The following SENP6 variants were observed in gnomAD, a reference collection of about 807,000 sequenced individuals.
SENP6 encodes SUMO specific peptidase 6.
Under a neutral mutation model 134.5 loss-of-function variants are expected in SENP6, and 41 were observed. That is an observed-to-expected ratio of 0.30 (90% CI 0.24 to 0.40). The LOEUF (loss-of-function observed/expected upper bound fraction) is 0.40. Ranked by LOEUF, SENP6 falls within the 10% of genes least tolerant of loss-of-function variation. The probability of loss-of-function intolerance (pLI) is 1.00; values close to 1 mark genes in which losing one functional copy is unlikely to be tolerated. For synonymous variants in SENP6, 395 were observed against 429.8 expected, an observed-to-expected ratio of 0.92 and a Z score of 1.00; for missense variants, 1,248 against 1,312.5, an observed-to-expected ratio of 0.95 and a Z score of 0.76.
intron 3 of SENP6, among the ~76,000 whole-genome samples, chr6:75,628,826 C>T (rs1582706127): frequency 6.6e-6 from 1 of 152,032 alleles, no homozygotes; most frequent in Non-Finnish European, 1.5e-5. Context: ...CTCAAGCGAT[C>T]CTACCGCCTC....
chr6:75,629,101 T>A (rs1445771406), intron 3 of SENP6, among the ~76,000 whole-genome samples: 1 of 152,194 alleles, frequency 6.6e-6, no homozygotes, highest in Non-Finnish European at 1.5e-5. Flanking sequence ...TAATTTGTAA[T>A]CCAGTCATTA....
chr6:75,714,026 G>C (rs1438608420), intron 23 of SENP6, among the ~76,000 whole-genome samples: 2 of 152,058 alleles, frequency 1.3e-5, no homozygotes, highest in African/African-American at 4.8e-5. Context: ...TCAAATCCAA[G>C]GCTTGTTGAG....
chr6:75,675,727 C>A, intron 12 of SENP6, 133 bp from the exon 13 acceptor site: 1 of 921,150 alleles, frequency 1.1e-6, no homozygotes, highest in Non-Finnish European at 1.7e-6. Flanking sequence ...TTATTACCCA[C>A]AAGAGTAATG....
rs750970571 is a variant in SENP6, at chr6:75,715,588, A to G, written c.3333A>G (p.Ser1111=). Residue 1111 remains serine (S), a synonymous_variant, in exon 24 of 24, where the codon TCA becomes TCG. Transcript: ENST00000447266. The part of the protein sequence containing the change: ...EGTEQYVNSI[S]D ...CAGAACAATATGTCAATAGTATCTC[A>G]GATTGACCATTTCTGTTACTTGTCA... 6.3e-7 allele frequency: 1 copy of G among 1,584,898 alleles called. No individual in the cohort carries two copies. Among genetic ancestry groups the G allele is most frequent in the Non-Finnish European group, 8.6e-7 (1 of 1,156,890 alleles).
rs998326899 is a variant in SENP6, at chr6:75,659,184, T to C, written c.551-78T>C. 29 of 1,050,946 alleles carry C rather than the reference T, an allele frequency of 2.8e-5. No individual in the cohort carries two copies. In the Admixed American group the frequency reaches 5.6e-4, roughly 20 times the overall value. The allele number at this position is 1,050,946 out of a possible 1,614,324, so 65.1% of individuals were successfully genotyped here. On this transcript the variant is annotated intron_variant, in intron 7 of 23. Coordinates refer to ENST00000447266, the MANE Select transcript of SENP6 (RefSeq NM_015571.4). ...GGATATAATTATTGGTTTAGTCTTATGTTCTGATTATTTTTTTGCTGAAAC... is the reference window on the plus strand; with the variant it reads ...GGATATAATTATTGGTTTAGTCTTACGTTCTGATTATTTTTTTGCTGAAAC...
At chr6:75,616,812 G>A (rs1484466183) in intron 1 of SENP6, among the ~76,000 whole-genome samples, 1 of 150,356 alleles carries the variant, frequency 6.7e-6, no homozygotes, top group East Asian at 1.9e-4. Flanking sequence ...TAAATATTAC[G>A]ACGTCTCTTT....
At chr6:75,715,118 TGTTCCAATAAAACTTTATTACAGAAACAG>T (rs1238957292) in intron 23 of SENP6, among the ~76,000 whole-genome samples, 1 of 152,196 alleles carries the variant, frequency 6.6e-6, no homozygotes, top group Non-Finnish European at 1.5e-5. Flanking sequence ...AGTGTGGCTG[TGTTCCAATAAAACTTTATTACAGAAACAG>T]GTGGTGGGCA....
chr6:75,644,269 G>A (rs1770252449), intron 6 of SENP6: 1 of 151,548 alleles, frequency 6.6e-6, no homozygotes, highest in Non-Finnish European at 1.5e-5. Flanking sequence ...CCAACTAAAA[G>A]GGCTCCCAAA....
At chr6:75,650,201 T>C (rs796840873) in intron 7 of SENP6, among the ~76,000 whole-genome samples, 43 of 152,316 alleles carry the variant, frequency 2.8e-4, no homozygotes, top group African/African-American at 1.0e-3. Flanking sequence ...AGAAATGATG[T>C]TGTGGCATTC....
intron 18 of SENP6, among the ~76,000 whole-genome samples, chr6:75,699,880 C>T (rs907391520): frequency 6.6e-6 from 1 of 151,966 alleles, no homozygotes; most frequent in Non-Finnish European, 1.5e-5. Context: ...TCTAATCTAT[C>T]TTAAGTGAAA....
chr6:75,625,112 C>CTTTTTTT (rs34953351), intron 3 of SENP6, among the ~76,000 whole-genome samples: 14 of 112,158 alleles, frequency 1.2e-4, no homozygotes, highest in Admixed American at 1.2e-3. Flanking sequence ...TGTGTGTGTC[C>CTTTTTTT]TTTTTTTTTT....
At chr6:75,715,360 A>C (rs769740791) in intron 23 of SENP6, 25 bp from the exon 24 acceptor site, 95 of 1,490,702 alleles carry the variant, frequency 6.4e-5, no homozygotes, top group Non-Finnish European at 8.2e-5. Context: ...ACAGTTTTCT[A>C]ATACGCATTT....
At chr6:75,659,528 AT>A in intron 8 of SENP6, 121 bp downstream of exon 8, 5 of 875,940 alleles carry the variant, frequency 5.7e-6, no homozygotes, top group Non-Finnish European at 8.5e-6. Context: ...TGGAAAACTT[AT>A]TTAGGCAGCT....
At chr6:75,670,525 TA>T in intron 10 of SENP6, 27 bp from the exon 11 acceptor site, 2 of 1,546,310 alleles carry the variant, frequency 1.3e-6, no homozygotes, top group Non-Finnish European at 1.8e-6. Context: ...AGTAAATTAT[TA>T]AGTGAACATT....
intron 1 of SENP6, among the ~76,000 whole-genome samples, chr6:75,606,045 G>T (rs1767004503): frequency 6.6e-6 from 1 of 152,132 alleles, no homozygotes; most frequent in African/African-American, 2.4e-5. Context: ...TTAGCCTGAG[G>T]TATTAGTGGT....
At chr6:75,687,880 G>T (rs1270916977) in intron 16 of SENP6, among the ~76,000 whole-genome samples, 1 of 152,232 alleles carries the variant, frequency 6.6e-6, no homozygotes, top group Non-Finnish European at 1.5e-5. Context: ...GAGGCATTCT[G>T]TCCGTTCTCA....
intron 7 of SENP6, among the ~76,000 whole-genome samples, chr6:75,648,975 C>T (rs1395986064): frequency 6.6e-6 from 1 of 152,104 alleles, no homozygotes; most frequent in Non-Finnish European, 1.5e-5. Context: ...TACTACTAAT[C>T]CTCAGAACTG....
chr6:75,644,475 C>CTTTTTTTT (rs71002753), intron 6 of SENP6, among the ~76,000 whole-genome samples: 5 of 143,484 alleles, frequency 3.5e-5, no homozygotes, highest in Middle Eastern at 3.7e-3. Flanking sequence ...TTCTTTCTTT[C>CTTTTTTTT]TTTTTTTTTT....
At chr6:75,688,356 A>T (rs948275588) in intron 16 of SENP6, among the ~76,000 whole-genome samples, 11 of 152,118 alleles carry the variant, frequency 7.2e-5, no homozygotes, top group African/African-American at 2.7e-4. Context: ...TTCCTGGGTG[A>T]GGTGATGCCC....
Sources: allele counts gnomAD v4.1 joint callset (sites outside exome capture counted in the v4.1 genomes callset), GRCh38; gene constraint gnomAD v4.1.1; transcripts MANE v1.5; gene names NCBI Gene and HGNC (gene_info 2026-07-23, HGNC 2026-07-21).